FHIP1A: variants seen among roughly 807,000 people sequenced by gnomAD.
The protein encoded by FHIP1A is FHF complex subunit HOOK-interacting protein 1A.
In FHIP1A, 61 loss-of-function variants were observed where a neutral mutation model predicts 88.6. The observed-to-expected ratio is 0.69, with a 90% CI of 0.56 to 0.85. The LOEUF (loss-of-function observed/expected upper bound fraction) is 0.85, where lower values mean the gene tolerates loss of function less well. FHIP1A is among the 40% of genes least tolerant of loss of function. FHIP1A has a pLI of 0.00. For missense variants in FHIP1A, 1,154 were observed against 1,273.5 expected, an observed-to-expected ratio of 0.91 and a Z score of 1.43; for synonymous variants, 478 against 496.0, an observed-to-expected ratio of 0.96 and a Z score of 0.48.
At chr4:151,487,821 G>T (rs1730142087) in intron 3 of FHIP1A, among the ~76,000 whole-genome samples, 1 of 152,220 alleles carries the variant, frequency 6.6e-6, no homozygotes, top group South Asian at 2.1e-4. Context: ...TTAATTAATG[G>T]AGATGGAATT....
intron 7 of FHIP1A, among the ~76,000 whole-genome samples, chr4:151,613,724 C>G (rs902310173): frequency 2.0e-5 from 3 of 152,132 alleles, no homozygotes; most frequent in African/African-American, 7.2e-5. Context: ...ACATCAGAAG[C>G]AACAAGGGAT....
intron 11 of FHIP1A, among the ~76,000 whole-genome samples, chr4:151,655,134 T>C (rs1212107319): frequency 6.6e-6 from 1 of 152,240 alleles, no homozygotes; most frequent in Non-Finnish European, 1.5e-5. Flanking sequence ...GTATTAATGT[T>C]GGTGACATCT....
Position 151,545,538 on chromosome 4 carries a change from C to T in FHIP1A, c.-122-20600C>T, listed in dbSNP as rs1313758916. On this transcript the variant is annotated intron_variant, in intron 3 of 13. Coordinates refer to ENST00000435205, the MANE Select transcript of FHIP1A (RefSeq NM_001109977.3). ...GACTACAGGTGCCCACTGCCACGCC[C>T]GGCTAATTTTTTGTATTTTTAGTAG... Among the ~76,000 whole-genome samples, 23 of 151,644 alleles carry T rather than the reference C, an allele frequency of 1.5e-4. No individual in the cohort carries two copies. The East Asian group carries it at 2.5e-3, about 17-fold the overall frequency.
At chr4:151,429,517 A>T (rs1317556577) in intron 1 of FHIP1A, among the ~76,000 whole-genome samples, 1 of 152,242 alleles carries the variant, frequency 6.6e-6, no homozygotes, top group Non-Finnish European at 1.5e-5. Context: ...CTTTAGAAGT[A>T]GTTTACAAGC....
At chr4:151,452,112 C>T (rs985263949) in intron 1 of FHIP1A, among the ~76,000 whole-genome samples, 15 of 152,184 alleles carry the variant, frequency 9.9e-5, no homozygotes, top group African/African-American at 3.4e-4. Flanking sequence ...TGAGCCACCA[C>T]GCCTGGCTAC....
At position 151,656,415 on chromosome 4, in the gene FHIP1A, G is replaced by A; in HGVS notation, c.2730+5G>A. 1 of 1,551,378 alleles carries A rather than the reference G, an allele frequency of 6.4e-7. No homozygotes were observed. On this transcript the variant is annotated splice_donor_5th_base_variant and intron_variant, in intron 12 of 13. Transcript: ENST00000435205. The surrounding 1 kb of genome is among the most constrained non-coding windows in gnomAD (Gnocchi z 4.2). Reference sequence around the variant, plus strand: ...AGCGTCCGCTCTCTCTATCAGGTATGTTAGCTGAACCCACATCCACACCTG... The same window carrying A: ...AGCGTCCGCTCTCTCTATCAGGTATATTAGCTGAACCCACATCCACACCTG...
intron 2 of FHIP1A, among the ~76,000 whole-genome samples, chr4:151,475,823 T>C (rs1435163336): frequency 6.6e-6 from 1 of 152,182 alleles, no homozygotes; most frequent in Admixed American, 6.5e-5. Flanking sequence ...ATCTGTTTTT[T>C]TTTATAGAAA....
intron 5 of FHIP1A, among the ~76,000 whole-genome samples, chr4:151,584,625 C>T (rs1381046544): frequency 6.6e-6 from 1 of 152,104 alleles, no homozygotes; most frequent in African/African-American, 2.4e-5. Context: ...TTTTAAGCAT[C>T]AGCCCCACGT....
chr4:151,587,464 C>T (rs1245783380), intron 6 of FHIP1A, among the ~76,000 whole-genome samples: 2 of 151,238 alleles, frequency 1.3e-5, no homozygotes, highest in Non-Finnish European at 2.9e-5. Context: ...TAAATATTAC[C>T]TTAATATTAG....
At chr4:151,612,302 GATTTCTGAGACAGC>G (rs1226506077) in intron 7 of FHIP1A, among the ~76,000 whole-genome samples, 1 of 152,200 alleles carries the variant, frequency 6.6e-6, no homozygotes, top group Non-Finnish European at 1.5e-5. Flanking sequence ...AAAGTAGAAA[GATTTCTGAGACAGC>G]AACTCCCCTT....
intron 2 of FHIP1A, among the ~76,000 whole-genome samples, chr4:151,473,903 A>G (rs1205134573): frequency 6.6e-6 from 1 of 152,162 alleles, no homozygotes; most frequent in Non-Finnish European, 1.5e-5. Context: ...TATATAGGGG[A>G]TGTTTTGGAA....
At chr4:151,444,489 T>C (rs1728520997) in intron 1 of FHIP1A, among the ~76,000 whole-genome samples, 1 of 152,136 alleles carries the variant, frequency 6.6e-6, no homozygotes, top group Admixed American at 6.6e-5. Context: ...AGAAACCCGT[T>C]TGTCCTCCCT....
intron 3 of FHIP1A, among the ~76,000 whole-genome samples, chr4:151,486,503 G>T (rs1730087691): frequency 6.6e-6 from 1 of 152,114 alleles, no homozygotes; most frequent in Non-Finnish European, 1.5e-5. Flanking sequence ...TCATATCTAT[G>T]ATCTGGATTA....
chr4:151,565,464 T>A (rs1052507420), intron 3 of FHIP1A, among the ~76,000 whole-genome samples: 11 of 152,202 alleles, frequency 7.2e-5, no homozygotes, highest in Non-Finnish European at 1.5e-4. Context: ...CTATCTCTGA[T>A]TTGTCAAGGT....
intron 3 of FHIP1A, among the ~76,000 whole-genome samples, chr4:151,521,551 A>G (rs1731444326): frequency 6.6e-6 from 1 of 152,188 alleles, no homozygotes; most frequent in Middle Eastern, 3.2e-3. Context: ...GTAAAGCACA[A>G]AGACCAAGGA....
intron 3 of FHIP1A, among the ~76,000 whole-genome samples, chr4:151,527,406 C>T (rs1337890896): frequency 6.6e-6 from 1 of 152,166 alleles, no homozygotes; most frequent in Admixed American, 6.5e-5. Context: ...CACCTGCAGT[C>T]GCAGGCACTC....
At chr4:151,459,927 T>A (rs1729091484) in intron 2 of FHIP1A, among the ~76,000 whole-genome samples, 1 of 152,154 alleles carries the variant, frequency 6.6e-6, no homozygotes. Context: ...GTATATATAT[T>A]TTTTATCATA....
intron 3 of FHIP1A, among the ~76,000 whole-genome samples, chr4:151,531,082 A>G (rs995491443): frequency 6.6e-6 from 1 of 152,080 alleles, no homozygotes; most frequent in African/African-American, 2.4e-5. Context: ...GAAGTATTTC[A>G]AGTGTTTTAA....
intron 3 of FHIP1A, among the ~76,000 whole-genome samples, chr4:151,511,176 A>C (rs946830421): frequency 2.0e-5 from 3 of 152,194 alleles, no homozygotes; most frequent in African/African-American, 7.2e-5. Flanking sequence ...TTCAATCTAA[A>C]ATTATAATTA....
Sources: gnomAD v4.1 joint callset for allele counts (sites outside exome capture counted in the v4.1 genomes callset) on GRCh38, gnomAD v4.1.1 for gene constraint, Gnocchi (gnomAD v3.1) non-coding constraint, MANE v1.5 for transcripts, NCBI Gene and HGNC (gene_info 2026-07-23, HGNC 2026-07-21) for gene names.